PALLD: variants seen among roughly 807,000 people sequenced by gnomAD.
The protein encoded by PALLD is palladin, cytoskeletal associated protein, also known as palladin.
PALLD carries 61 observed loss-of-function variants against 123.5 expected under a neutral mutation model. The ratio of observed to expected loss-of-function variants is 0.49; its 90% confidence interval spans 0.40 to 0.61. The LOEUF is 0.61. Among genes scored for constraint, PALLD ranks in the 20% least tolerant of loss-of-function variants. The pLI is 0.00. For missense variants in PALLD, 1,273 were observed against 1,377.0 expected, an observed-to-expected ratio of 0.92 and a Z score of 1.20; for synonymous variants, 465 against 496.4, an observed-to-expected ratio of 0.94 and a Z score of 0.84.
rs193215860 is a variant in PALLD at position 168,927,789 on chromosome 4, C to T, written c.*1609C>T. On this transcript the variant is annotated 3_prime_UTR_variant, in exon 22 of 22. Transcript: ENST00000505667. ...CTGACCAGACTTGATGGTTTTAAGT[C>T]GGAACCGATAAATTTTAAAAAGGAG... 46 of 217,746 alleles carry T rather than the reference C, an allele frequency of 2.1e-4. No individual in the cohort carries two copies. Among genetic ancestry groups the T allele is most frequent in the African/African-American group, 8.5e-4 (38 of 44,446 alleles). 13.5% of individuals were successfully genotyped at this position (217,746 alleles called of 1,614,324 possible). A position where few individuals can be genotyped will look rare whatever the true frequency, so the allele number is the denominator to read the frequency against.
intron 10 of PALLD, among the ~76,000 whole-genome samples, chr4:168,850,627 G>T (rs191374484): frequency 5.5e-4 from 72 of 130,738 alleles, no homozygotes; most frequent in Middle Eastern, 5.8e-3. Context: ...CACCTCCCAG[G>T]TTCAAGCTAT....
intron 10 of PALLD, among the ~76,000 whole-genome samples, chr4:168,724,668 C>G (rs769599402): frequency 6.6e-6 from 1 of 150,966 alleles, no homozygotes; most frequent in Non-Finnish European, 1.5e-5. Flanking sequence ...GGATAAATCA[C>G]GTCAATTTGA....
intron 2 of PALLD, among the ~76,000 whole-genome samples, chr4:168,632,107 G>T (rs1440531729): frequency 1.3e-5 from 2 of 150,476 alleles, no homozygotes; most frequent in Admixed American, 6.6e-5. Context: ...CCTGCTTCGC[G>T]GGACTTTTCT....
intron 10 of PALLD, among the ~76,000 whole-genome samples, chr4:168,807,281 A>G (rs879459876): frequency 1.5e-4 from 22 of 151,724 alleles, no homozygotes; most frequent in Admixed American, 9.2e-4. Context: ...ACACACGCAC[A>G]CACACACACA....
At chr4:168,818,062 C>T (rs1742225284) in intron 10 of PALLD, among the ~76,000 whole-genome samples, 1 of 152,162 alleles carries the variant, frequency 6.6e-6, no homozygotes, top group African/African-American at 2.4e-5. Flanking sequence ...ATTCTGGCTC[C>T]AAAAATAACC....
At chr4:168,516,145 G>A (rs1762971533) in intron 2 of PALLD, among the ~76,000 whole-genome samples, 1 of 152,194 alleles carries the variant, frequency 6.6e-6, no homozygotes, top group Admixed American at 6.5e-5. Flanking sequence ...AGAGCTGATA[G>A]AAGAAAACCC....
At chr4:168,896,656 G>GTT in intron 13 of PALLD, 57 bp downstream of exon 13, 1 of 931,762 alleles carries the variant, frequency 1.1e-6, no homozygotes, top group Non-Finnish European at 1.7e-6. Flanking sequence ...GTTTTCTTCT[G>GTT]TTCTTCCTGT....
At chr4:168,803,610 T>C (rs1739685494) in intron 10 of PALLD, among the ~76,000 whole-genome samples, 1 of 147,702 alleles carries the variant, frequency 6.8e-6, no homozygotes, top group African/African-American at 2.5e-5. Context: ...GGACTGAGCC[T>C]GGGATTCTGA....
chr4:168,691,141 T>A (rs1782581767), intron 7 of PALLD, 128 bp from the exon 8 acceptor site: 1 of 715,826 alleles, frequency 1.4e-6, no homozygotes, highest in East Asian at 2.6e-5. Flanking sequence ...ATGATGGAGT[T>A]TGACTGTAAC....
In PALLD at chr4:168,584,896, A is replaced by G. The variant is rs560299009; in HGVS notation, c.908+72484A>G. On this transcript the variant is annotated intron_variant, in intron 2 of 21. Transcript: ENST00000505667. ...CAATGGTGAGCAAAATATTCCCTCA[A>G]CAAAGTACCCATGCACACACACATG... Among the ~76,000 whole-genome samples, 4 of 152,352 alleles carry G rather than the reference A, an allele frequency of 2.6e-5. No homozygotes were observed. In the East Asian group the frequency reaches 7.7e-4, roughly 29 times the overall value.
At chr4:168,885,687 A>T (rs1753239853) in intron 10 of PALLD, among the ~76,000 whole-genome samples, 1 of 152,216 alleles carries the variant, frequency 6.6e-6, no homozygotes, top group Non-Finnish European at 1.5e-5. Context: ...AGAATCTTTG[A>T]TAGGCTGGAC....
At chr4:168,656,033 G>A (rs1007853822) in intron 2 of PALLD, among the ~76,000 whole-genome samples, 1 of 152,162 alleles carries the variant, frequency 6.6e-6, no homozygotes, top group Non-Finnish European at 1.5e-5. Flanking sequence ...TTGTATTTCA[G>A]TGGACAGGTT....
chr4:168,776,234 A>G (rs1446007849), intron 10 of PALLD, among the ~76,000 whole-genome samples: 1 of 152,212 alleles, frequency 6.6e-6, no homozygotes, highest in East Asian at 1.9e-4. Context: ...TCAGTGTAAC[A>G]GGTCTTGTAC....
chr4:168,697,362 T>C (rs769238387), intron 8 of PALLD, among the ~76,000 whole-genome samples: 2 of 152,134 alleles, frequency 1.3e-5, no homozygotes, highest in Non-Finnish European at 2.9e-5. Flanking sequence ...GGAGATCACA[T>C]AGAAGCAAGA....
chr4:168,551,064 C>G (rs1224927408), intron 2 of PALLD, among the ~76,000 whole-genome samples: 1 of 152,166 alleles, frequency 6.6e-6, no homozygotes, highest in African/African-American at 2.4e-5. Flanking sequence ...ACCCTTGTTA[C>G]ATTATAATTT....
intron 2 of PALLD, among the ~76,000 whole-genome samples, chr4:168,520,347 A>AAGAGAGAG (rs1554034659): frequency 0.011 from 959 of 83,846 alleles, 37 homozygotes; most frequent in Middle Eastern, 0.04. Context: ...AAAAAAAAAA[A>AAGAGAGAG]AGAGAGAGAG....
chr4:168,710,095 G>A (rs1315087150), intron 9 of PALLD, among the ~76,000 whole-genome samples: 1 of 152,062 alleles, frequency 6.6e-6, no homozygotes, highest in Non-Finnish European at 1.5e-5. Flanking sequence ...ATAAAACTCA[G>A]AGAAGCTGTA....
At chr4:168,705,728 C>T (rs1692065253) in intron 8 of PALLD, among the ~76,000 whole-genome samples, 1 of 152,130 alleles carries the variant, frequency 6.6e-6, no homozygotes, top group Non-Finnish European at 1.5e-5. Flanking sequence ...CCTCTGCCTC[C>T]CGGGTTCAAG....
intron 10 of PALLD, among the ~76,000 whole-genome samples, chr4:168,737,630 A>T (rs1787890716): frequency 1.3e-5 from 2 of 152,090 alleles, no homozygotes; most frequent in Admixed American, 1.3e-4. Flanking sequence ...TTCCTCAGTG[A>T]CATTCTGATT....
Sources: allele counts gnomAD v4.1 joint callset (sites outside exome capture counted in the v4.1 genomes callset), GRCh38; gene constraint gnomAD v4.1.1; transcripts MANE v1.5; gene names NCBI Gene and HGNC (gene_info 2026-07-23, HGNC 2026-07-21).